STK31: variants seen among roughly 807,000 people sequenced by gnomAD.
The protein encoded by STK31 is serine/threonine kinase 31, also known as serine/threonine-protein kinase 31.
STK31 carries 89 observed loss-of-function variants against 129.7 expected under a neutral mutation model. That is an observed-to-expected ratio of 0.69 (90% CI 0.58 to 0.82). The LOEUF (loss-of-function observed/expected upper bound fraction) is 0.82, where lower values mean the gene tolerates loss of function less well. Among genes scored for constraint, STK31 ranks in the 40% least tolerant of loss-of-function variants. STK31 has a pLI of 0.00. For missense variants in STK31, 1,187 were observed against 1,176.4 expected (o/e 1.01, Z -0.13); for synonymous variants, 448 against 395.3 (o/e 1.13, Z -1.58).
chr7:23,817,191 A>AT (rs1562629268), intron 23 of STK31, among the ~76,000 whole-genome samples: 2 of 151,862 alleles, frequency 1.3e-5, no homozygotes, highest in African/African-American at 4.8e-5. Flanking sequence ...TTGTCTCAAA[A>AT]AAAAAAAAAT....
intron 13 of STK31, 101 bp from the exon 14 acceptor site, chr7:23,770,904 C>T (rs41273996): frequency 4.9e-6 from 6 of 1,213,290 alleles, no homozygotes; most frequent in Non-Finnish European, 6.7e-6. Flanking sequence ...CTGCGGAAAT[C>T]TGTTAAAGGC....
At chr7:23,761,707 TG>T (rs1789476563) in intron 10 of STK31, among the ~76,000 whole-genome samples, 2 of 151,150 alleles carry the variant, frequency 1.3e-5, no homozygotes, top group South Asian at 2.1e-4. Flanking sequence ...CGTGCCCAGA[TG>T]TTTTTTTTTT....
rs760119286 is a variant in STK31 at position 23,754,368 on chromosome 7, T to C, written c.1187T>C (p.Val396Ala). The C allele has an allele frequency of 1.9e-6, 3 of 1,613,872 alleles. No individual in the cohort carries two copies. The highest frequency in any genetic ancestry group is 1.6e-4 in the Middle Eastern group (1 of 6,084). The change falls in exon 10 of 24, where the codon GTG becomes GCG. Residue 396 changes from valine to alanine, a missense_variant. This residue lies in a region of STK31 where 975 missense variants were observed against 934.9 expected (regional missense o/e 1.04). Coordinates refer to ENST00000355870, the MANE Select transcript of STK31 (RefSeq NM_031414.5). Reference sequence around the variant, plus strand: ...AAAGACCTTTCAGATGCTATACAAGTGTTGGATGAAGGGTGCTTTACTACT... The same window carrying C: ...AAAGACCTTTCAGATGCTATACAAGCGTTGGATGAAGGGTGCTTTACTACT... ...FGKDLSDAIQ[V>A]LDEGCFTTPA...
intron 8 of STK31, among the ~76,000 whole-genome samples, chr7:23,741,912 A>C (rs1788076495): frequency 6.6e-6 from 1 of 152,188 alleles, no homozygotes; most frequent in African/African-American, 2.4e-5. Context: ...AGTCAGGCCA[A>C]AGTTGGGCCA....
intron 21 of STK31, among the ~76,000 whole-genome samples, chr7:23,789,912 A>G (rs1446821336): frequency 6.6e-6 from 1 of 152,068 alleles, no homozygotes; most frequent in Non-Finnish European, 1.5e-5. Flanking sequence ...TTTCCATGCA[A>G]TTTTCAGATT....
At chr7:23,769,942 A>G (rs1317643793) in intron 13 of STK31, among the ~76,000 whole-genome samples, 186 bp downstream of exon 13, 1 of 152,188 alleles carries the variant, frequency 6.6e-6, no homozygotes, top group Admixed American at 6.5e-5. Context: ...GACACCATGC[A>G]AAGTCTTATT....
At chr7:23,752,649 T>C (rs569943616) in intron 8 of STK31, 68 bp from the exon 9 acceptor site, 2 of 1,234,358 alleles carry the variant, frequency 1.6e-6, no homozygotes, top group South Asian at 1.3e-5. Context: ...CCAAAAATTA[T>C]TTAAATTATA....
intron 22 of STK31, among the ~76,000 whole-genome samples, chr7:23,810,739 T>TAA (rs1584484882): frequency 7.6e-6 from 1 of 132,414 alleles, no homozygotes; most frequent in African/African-American, 2.9e-5. Flanking sequence ...TAGATATATA[T>TAA]AAAATAGATA....
intron 22 of STK31, among the ~76,000 whole-genome samples, chr7:23,800,808 C>CTACTAATTTTGTG (rs1380935700): frequency 1.3e-5 from 2 of 150,916 alleles, no homozygotes; most frequent in East Asian, 3.9e-4. Context: ...TGGTATCATA[C>CTACTAATTTTGTG]AGTATATAAT....
At chr7:23,741,948 G>T (rs530548598) in intron 8 of STK31, among the ~76,000 whole-genome samples, 74 of 152,340 alleles carry the variant, frequency 4.9e-4, no homozygotes, top group African/African-American at 1.7e-3. Context: ...CTCTCCAAGT[G>T]ACACTTTTGG....
intron 15 of STK31, among the ~76,000 whole-genome samples, chr7:23,773,650 C>G (rs536145712): frequency 8.2e-4 from 124 of 152,142 alleles, no homozygotes; most frequent in African/African-American, 2.8e-3. Context: ...CTAATTTACA[C>G]TCCCACCAAC....
intron 11 of STK31, among the ~76,000 whole-genome samples, chr7:23,768,517 CA>C (rs1237693980): frequency 3.3e-5 from 5 of 152,054 alleles, no homozygotes; most frequent in Non-Finnish European, 5.9e-5. Flanking sequence ...CCAGGACAAA[CA>C]GTAGTGATTC....
intron 15 of STK31, among the ~76,000 whole-genome samples, chr7:23,778,288 CT>C (rs2128107142): frequency 6.6e-6 from 1 of 152,174 alleles, no homozygotes; most frequent in African/African-American, 2.4e-5. Context: ...TCATTTCAAC[CT>C]TGGTGAATCT....
intron 22 of STK31, among the ~76,000 whole-genome samples, chr7:23,809,291 T>C (rs1055013561): frequency 2.0e-5 from 3 of 152,144 alleles, no homozygotes; most frequent in Non-Finnish European, 2.9e-5. Context: ...TGCTTTCTTT[T>C]GGTTCTTTGA....
intron 22 of STK31, among the ~76,000 whole-genome samples, chr7:23,813,068 G>T (rs1793239989): frequency 7.1e-6 from 1 of 140,004 alleles, no homozygotes; most frequent in African/African-American, 2.7e-5. Flanking sequence ...GGTCCTTGAG[G>T]CTCTCTGTTC....
chr7:23,787,164 A>C (rs1791336380), intron 20 of STK31, among the ~76,000 whole-genome samples: 1 of 152,182 alleles, frequency 6.6e-6, no homozygotes, highest in African/African-American at 2.4e-5. Flanking sequence ...GGGACTCGAA[A>C]TTAAGTCTTT....
chr7:23,778,093 G>T (rs749514422), intron 15 of STK31, among the ~76,000 whole-genome samples: 21 of 152,134 alleles, frequency 1.4e-4, no homozygotes, highest in Non-Finnish European at 2.8e-4. Flanking sequence ...CTTTGCTTGT[G>T]AAGCTTAGTT....
In STK31 at chr7:23,762,886, A is replaced by T; in HGVS notation, c.1379A>T (p.Asp460Val). Residue 460 changes from aspartate to valine, a missense_variant, in exon 11 of 24, where the codon GAT becomes GTT. Coordinates refer to ENST00000355870, the MANE Select transcript of STK31 (RefSeq NM_031414.5). ...GTAGAAGATTTTATTCTGGAAGTTG[A>T]TGAGTCATCTCTTAATAAACGCTTA... ...MSVEDFILEVDESSLNKRLKT... is the reference protein window; with the variant it reads ...MSVEDFILEVVESSLNKRLKT... The T allele has an allele frequency of 6.2e-7, 1 of 1,607,748 alleles. No homozygotes were observed.
At chr7:23,813,078 C>CTTTTTTTTTTTTTTTTTTTTTT (rs70956924) in intron 22 of STK31, among the ~76,000 whole-genome samples, 155 of 94,088 alleles carry the variant, frequency 1.6e-3, no homozygotes, top group Admixed American at 3.1e-3. Context: ...GCTCTCTGTT[C>CTTTTTTTTTTTTTTTTTTTTTT]TTTTTTTTTT....
Sources: gnomAD v4.1 joint callset for allele counts (sites outside exome capture counted in the v4.1 genomes callset) on GRCh38, gnomAD v4.1.1 for gene constraint, gnomAD v4.1.1 regional missense constraint, MANE v1.5 for transcripts, NCBI Gene and HGNC (gene_info 2026-07-23, HGNC 2026-07-21) for gene names.